Variants in RANBP2 observed in about 807,000 individuals in gnomAD.
RANBP2 encodes the protein RAN binding protein 2.
A neutral mutation model predicts 303.6 loss-of-function variants in RANBP2; 57 were observed. That is an observed-to-expected ratio of 0.19 (90% CI 0.15 to 0.23). The LOEUF (loss-of-function observed/expected upper bound fraction) is 0.23, where lower values mean the gene tolerates loss of function less well. RANBP2 is among the 10% of genes least tolerant of loss of function. RANBP2 has a pLI of 1.00. For missense variants in RANBP2, 3,138 were observed against 3,780.8 expected (o/e 0.83, Z 4.46); for synonymous variants, 1,167 against 1,301.5 (o/e 0.90, Z 2.23).
At chr2:109,680,645 T>G in the RANBP2 span, among the ~76,000 whole-genome samples, 6 of 152,246 alleles carry the variant, frequency 3.9e-5, no homozygotes, top group African/African-American at 1.4e-4. Context: ...CCCCTGGCGC[T>G]GAGCTGACCC....
the RANBP2 span, among the ~76,000 whole-genome samples, chr2:109,366,449 A>G: frequency 6.6e-6 from 1 of 151,874 alleles, no homozygotes; most frequent in African/African-American, 2.4e-5. Context: ...ACTACCATTT[A>G]TATCTTTCTA....
the RANBP2 span, among the ~76,000 whole-genome samples, chr2:109,622,312 A>G: frequency 6.6e-6 from 1 of 152,350 alleles, no homozygotes; most frequent in South Asian, 2.1e-4. Context: ...CCCTAGTGGT[A>G]CAGGAAATAC....
chr2:109,085,465 C>A, the RANBP2 span, among the ~76,000 whole-genome samples: 1 of 146,964 alleles, frequency 6.8e-6, no homozygotes. Flanking sequence ...CACCACGCCT[C>A]GCTAATTTTT....
the RANBP2 span, among the ~76,000 whole-genome samples, chr2:109,141,127 A>G: frequency 6.6e-6 from 1 of 152,158 alleles, no homozygotes; most frequent in African/African-American, 2.4e-5. Flanking sequence ...CCAGGTGGAA[A>G]GATGCAACCA....
At chr2:108,760,771 G>GTT (rs1015391607) in intron 18 of RANBP2, among the ~76,000 whole-genome samples, 5 of 152,110 alleles carry the variant, frequency 3.3e-5, no homozygotes, top group African/African-American at 4.8e-5. Context: ...ATGGAGAAGA[G>GTT]TTTGTATATC....
chr2:109,697,858 G>GTTTT, the RANBP2 span, among the ~76,000 whole-genome samples: 11 of 127,652 alleles, frequency 8.6e-5, no homozygotes, highest in East Asian at 4.5e-4. Flanking sequence ...TTAGTCTAAA[G>GTTTT]TTTTTTTTTT....
chr2:109,518,566 C>A, the RANBP2 span, among the ~76,000 whole-genome samples: 1 of 152,234 alleles, frequency 6.6e-6, no homozygotes, highest in Non-Finnish European at 1.5e-5. Flanking sequence ...CTTGTTGCTT[C>A]TGCTGGACAT....
At chr2:109,506,956 C>T in the RANBP2 span, among the ~76,000 whole-genome samples, 1 of 152,318 alleles carries the variant, frequency 6.6e-6, no homozygotes, top group African/African-American at 2.4e-5. Context: ...CCACACAGAG[C>T]AGTGGGAGAA....
the RANBP2 span, among the ~76,000 whole-genome samples, chr2:109,298,391 G>A: frequency 6.6e-6 from 1 of 152,152 alleles, no homozygotes; most frequent in Non-Finnish European, 1.5e-5. Flanking sequence ...GCACCTCAGA[G>A]CAGAGTGATG....
the RANBP2 span, chr2:108,929,368 G>A: frequency 1.2e-5 from 20 of 1,613,908 alleles, no homozygotes; most frequent in East Asian, 1.8e-4. Flanking sequence ...CTTTGGTGCC[G>A]TAGCCACAGG....
the RANBP2 span, among the ~76,000 whole-genome samples, chr2:109,213,974 G>A: frequency 6.6e-6 from 1 of 152,232 alleles, no homozygotes; most frequent in Non-Finnish European, 1.5e-5. Context: ...CCCTGCAAAA[G>A]ACCTGTGGAT....
At chr2:109,544,466 T>C in the RANBP2 span, 2 of 1,375,672 alleles carry the variant, frequency 1.5e-6, no homozygotes, top group Non-Finnish European at 1.9e-6. Context: ...CACCAAACCA[T>C]ATTTTCTTGA....
the RANBP2 span, chr2:109,419,454 G>A: frequency 3.6e-6 from 5 of 1,382,154 alleles, no homozygotes; most frequent in Non-Finnish European, 5.0e-6. Context: ...ACAGGCACCT[G>A]TGGATGCAGC....
chr2:109,449,593 TGG>T, the RANBP2 span: 1 of 1,404,624 alleles, frequency 7.1e-7, no homozygotes, highest in Non-Finnish European at 9.6e-7. Context: ...AGCTAGAATG[TGG>T]GCTCCAAGTG....
At chr2:108,899,353 C>T in the RANBP2 span, among the ~76,000 whole-genome samples, 368 of 152,262 alleles carry the variant, frequency 2.4e-3, 5 homozygotes, top group African/African-American at 8.6e-3. Context: ...TTCAGGAAAG[C>T]ATGAGAATAT....
At chr2:109,481,377 T>C in the RANBP2 span, among the ~76,000 whole-genome samples, 1 of 152,154 alleles carries the variant, frequency 6.6e-6, no homozygotes, top group African/African-American at 2.4e-5. Context: ...TTATTGCGGC[T>C]ATGCTTCTGG....
chr2:108,798,505 G>A, the RANBP2 span: 2 of 1,613,914 alleles, frequency 1.2e-6, no homozygotes, highest in African/African-American at 1.3e-5. Flanking sequence ...GAGAACAACT[G>A]CTTTTCAGAC....
At chr2:109,395,808 T>C in the RANBP2 span, among the ~76,000 whole-genome samples, 5 of 152,228 alleles carry the variant, frequency 3.3e-5, no homozygotes, top group African/African-American at 1.2e-4. Context: ...AAATCCATGC[T>C]GACATTCAGA....
chr2:109,623,738 C>T, the RANBP2 span, among the ~76,000 whole-genome samples: 2,863 of 152,242 alleles, frequency 0.019, 86 homozygotes, highest in African/African-American at 0.065. Context: ...TGCTTTGGTC[C>T]GTAATCAACC....
Sources: gnomAD v4.1 joint callset for allele counts (sites outside exome capture counted in the v4.1 genomes callset) on GRCh38, gnomAD v4.1.1 for gene constraint, MANE v1.5 for transcripts, NCBI Gene and HGNC (gene_info 2026-07-23, HGNC 2026-07-21) for gene names.